The following CPED1 variants were observed in gnomAD, a reference collection of about 807,000 sequenced individuals.
CPED1 encodes cadherin like and PC-esterase domain containing 1.
In CPED1, 114 loss-of-function variants were observed where a neutral mutation model predicts 128.2. The observed-to-expected ratio is 0.89, with a 90% CI of 0.76 to 1.04. The LOEUF is 1.04. CPED1 is among the 50% of genes least tolerant of loss of function. The pLI is 0.00. For missense variants in CPED1, 1,211 were observed against 1,207.1 expected (o/e 1.00, Z -0.05); for synonymous variants, 462 against 426.7 (o/e 1.08, Z -1.02).
In CPED1 at chr7:121,264,730, TAGAAAG is replaced by T. The variant is rs770799441; in HGVS notation, c.2311-1491_2311-1486del. ...CAGAAAAAAACATGTGCATGACTAATAGAAAGAGAAATCTCCAAAGAAAGAAAAAGA... is the reference window on the plus strand; with the variant it reads ...CAGAAAAAAACATGTGCATGACTAATAGAAATCTCCAAAGAAAGAAAAAGA... On this transcript the variant is annotated intron_variant, in intron 18 of 22. Coordinates refer to ENST00000310396, the MANE Select transcript of CPED1 (RefSeq NM_024913.5). Among the ~76,000 whole-genome samples the T allele has an allele frequency of 5.9e-5, 9 of 152,110 alleles. No homozygotes were observed. In the South Asian group the frequency reaches 8.3e-4, roughly 14 times the overall value.
chr7:121,116,045 A>G (rs558895009), intron 7 of CPED1, among the ~76,000 whole-genome samples: 39 of 152,110 alleles, frequency 2.6e-4, no homozygotes, highest in Non-Finnish European at 5.6e-4. Flanking sequence ...CAAATAATTA[A>G]ATTTTTATTC....
rs1229408502 is a variant in CPED1 at position 121,211,758 on chromosome 7, A to AT, written c.2056-24956_2056-24955insT. Among the ~76,000 whole-genome samples, 99 of 152,152 alleles carry AT rather than the reference A, an allele frequency of 6.5e-4. 1 individual carries two copies. The highest frequency in any genetic ancestry group is 2.4e-3 in the African/African-American group (98 of 41,554). ...TAAAGTGAAAACTGTGGAGACTTAG[A>AT]AATATGTGATCTATAAGAACAGACT... On this transcript the variant is annotated intron_variant, in intron 16 of 22. Coordinates refer to ENST00000310396, the MANE Select transcript of CPED1 (RefSeq NM_024913.5).
intron 16 of CPED1, among the ~76,000 whole-genome samples, chr7:121,143,030 G>A (rs146392296): frequency 1.6e-3 from 244 of 151,926 alleles, no homozygotes; most frequent in African/African-American, 5.3e-3. Context: ...TAATCACCCC[G>A]CCACTGTCTT....
intron 5 of CPED1, among the ~76,000 whole-genome samples, chr7:121,084,362 T>C (rs1270591775): frequency 6.6e-6 from 1 of 152,252 alleles, no homozygotes; most frequent in Non-Finnish European, 1.5e-5. Flanking sequence ...TAATTTATAA[T>C]ATAACAACAT....
rs1319597349 is a variant in CPED1 at position 120,989,410 on chromosome 7, C to T, written c.-212C>T. 2 of 570,868 alleles carry T rather than the reference C, an allele frequency of 3.5e-6. No homozygotes were observed. The highest frequency in any genetic ancestry group is 6.2e-6 in the Non-Finnish European group (2 of 322,920). The allele number at this position is 570,868 out of a possible 1,614,324, so 35.4% of individuals were successfully genotyped here. ...ACTCAGGTCATCCACTTTTGACTGTCATCCATGGAAGAGCTCTTATTAAAA... is the reference window on the plus strand; with the variant it reads ...ACTCAGGTCATCCACTTTTGACTGTTATCCATGGAAGAGCTCTTATTAAAA... On this transcript the variant is annotated 5_prime_UTR_variant, in exon 2 of 23. Transcript: ENST00000310396.
intron 18 of CPED1, among the ~76,000 whole-genome samples, chr7:121,247,299 G>T (rs1798560924): frequency 6.6e-6 from 1 of 152,164 alleles, no homozygotes; most frequent in Admixed American, 6.5e-5. Context: ...AATTTGATAG[G>T]GGGAGAGGAG....
intron 22 of CPED1, among the ~76,000 whole-genome samples, chr7:121,284,937 T>A (rs925471273): frequency 6.6e-6 from 1 of 152,174 alleles, no homozygotes; most frequent in African/African-American, 2.4e-5. Context: ...GTGGGGTCAC[T>A]GTGTGGGGGC....
intron 4 of CPED1, among the ~76,000 whole-genome samples, chr7:121,057,038 C>T (rs187401912): frequency 3.3e-4 from 50 of 151,938 alleles, no homozygotes; most frequent in African/African-American, 1.0e-3. Flanking sequence ...AGTGCAATGG[C>T]GCAATCTCGG....
At position 121,216,480 on chromosome 7, in the gene CPED1, C is replaced by T. The variant is rs143391360; in HGVS notation, c.2056-20234C>T. On this transcript the variant is annotated intron_variant, in intron 16 of 22. Transcript: ENST00000310396. ...TTGAGTTGCCATGTGTCCAGCTAAA[C>T]CTCCTGGGTTAAAAGAAAGAAGGGG... 5.3e-5 allele frequency among the ~76,000 whole-genome samples: 8 copies of T among 152,050 alleles called. No homozygotes were observed. In the East Asian group the frequency reaches 7.8e-4, roughly 15 times the overall value.
At chr7:121,112,332 C>T (rs1414088485) in intron 7 of CPED1, among the ~76,000 whole-genome samples, 2 of 152,192 alleles carry the variant, frequency 1.3e-5, no homozygotes, top group East Asian at 3.9e-4. Flanking sequence ...TCCAGATAGG[C>T]CCTGTGCATG....
At chr7:121,098,691 C>T (rs192062791) in intron 6 of CPED1, among the ~76,000 whole-genome samples, 49 of 148,612 alleles carry the variant, frequency 3.3e-4, no homozygotes, top group Non-Finnish European at 5.9e-4. Context: ...GTGATTGCAC[C>T]ACTTCACTCC....
At chr7:121,211,061 G>A (rs1367757241) in intron 16 of CPED1, among the ~76,000 whole-genome samples, 1 of 151,972 alleles carries the variant, frequency 6.6e-6, no homozygotes, top group Non-Finnish European at 1.5e-5. Context: ...TGTATTTCAT[G>A]GAACATAATT....
intron 18 of CPED1, among the ~76,000 whole-genome samples, chr7:121,251,625 A>AT (rs1225010442): frequency 6.6e-6 from 1 of 152,232 alleles, no homozygotes; most frequent in African/African-American, 2.4e-5. Context: ...AAGTCTCAGG[A>AT]TACAAAATCA....
At position 121,244,202 on chromosome 7, in the gene CPED1, G is replaced by T; in HGVS notation, c.2174G>T (p.Gly725Val). ...AAGAAAGTTTTGCCATCTATTCCAG[G>T]CCAGTGGATTGTGCCTTGCCTTAGT... The part of the protein sequence containing the change: ...LKRCPSGDMK[G>V]QWIVPCLSCS... Residue 725 changes from glycine (G) to valine (V), a missense_variant and splice_region_variant, in exon 18 of 23, where the codon GGC becomes GTC. By Grantham distance (109) the Gly-to-Val change is moderately radical. Coordinates refer to ENST00000310396, the MANE Select transcript of CPED1 (RefSeq NM_024913.5). The T allele has an allele frequency of 6.2e-7, 1 of 1,614,112 alleles. No homozygotes were observed. Among genetic ancestry groups the T allele is most frequent in the Non-Finnish European group, 8.5e-7 (1 of 1,180,012 alleles).
At chr7:121,123,349 T>A (rs544816571) in intron 7 of CPED1, among the ~76,000 whole-genome samples, 2 of 152,312 alleles carry the variant, frequency 1.3e-5, no homozygotes, top group Non-Finnish European at 2.9e-5. Context: ...TGTCCTTCTT[T>A]ATCATAGCAA....
chr7:121,059,470 AT>A (rs951908288), intron 4 of CPED1, among the ~76,000 whole-genome samples: 5 of 152,220 alleles, frequency 3.3e-5, no homozygotes, highest in Non-Finnish European at 1.5e-5. Context: ...TTCTACAGAT[AT>A]GAGGAAAAAG....
intron 5 of CPED1, among the ~76,000 whole-genome samples, chr7:121,090,290 A>G (rs1013555916): frequency 2.0e-5 from 3 of 152,192 alleles, no homozygotes; most frequent in Non-Finnish European, 4.4e-5. Context: ...TTATGGGTCA[A>G]ATTGTGTCTC....
chr7:121,086,448 T>C (rs985826661), intron 5 of CPED1, among the ~76,000 whole-genome samples: 1 of 152,150 alleles, frequency 6.6e-6, no homozygotes, highest in African/African-American at 2.4e-5. Context: ...CATTTGTCGA[T>C]AAAAAGCCCT....
intron 3 of CPED1, among the ~76,000 whole-genome samples, chr7:121,034,533 A>T (rs1792835633): frequency 6.6e-6 from 1 of 152,168 alleles, no homozygotes; most frequent in South Asian, 2.1e-4. Context: ...GGTGTGAGCC[A>T]CTGCGCCTGG....
Sources: allele counts gnomAD v4.1 joint callset (sites outside exome capture counted in the v4.1 genomes callset), GRCh38; gene constraint gnomAD v4.1.1; transcripts MANE v1.5; gene names NCBI Gene and HGNC (gene_info 2026-07-23, HGNC 2026-07-21).